Variants in LSM12 observed in about 807,000 individuals in gnomAD.
LSM12 encodes LSM12 homolog, also known as protein LSM12.
For synonymous variants in LSM12, 74 were observed against 87.3 expected, an observed-to-expected ratio of 0.85 and a Z score of 0.85; for missense variants, 108 against 238.9, an observed-to-expected ratio of 0.45 and a Z score of 3.61.
intron 2 of LSM12, among the ~76,000 whole-genome samples, chr17:44,046,093 C>G (rs1031095038): frequency 6.6e-6 from 1 of 151,446 alleles, no homozygotes; most frequent in African/African-American, 2.4e-5. Flanking sequence ...CCCGCCACCA[C>G]GCCCGGATAA....
chr17:44,051,903 T>G (rs2049649585), intron 2 of LSM12, among the ~76,000 whole-genome samples: 1 of 151,360 alleles, frequency 6.6e-6, no homozygotes, highest in South Asian at 2.1e-4. Flanking sequence ...AGGTCACGAG[T>G]TCAAGACCAG....
At chr17:44,042,441 C>T (rs2049506963) in intron 2 of LSM12, among the ~76,000 whole-genome samples, 2 of 152,092 alleles carry the variant, frequency 1.3e-5, no homozygotes, top group African/African-American at 4.8e-5. Context: ...CTCTTGTTGC[C>T]CAGGCTGGAG....
rs573809988 is a variant in LSM12, at chr17:44,058,192, G to A, written c.258+5609C>T. On this transcript the variant is annotated intron_variant, in intron 2 of 4. Coordinates refer to ENST00000293406, the MANE Select transcript of LSM12 (RefSeq NM_001371445.1). ...GCGGAGCTTGCAGTGAGCCGAGATC[G>A]CGCCACTGCACTCCAGCCTGGGCGA... Among the ~76,000 whole-genome samples the A allele has an allele frequency of 2.8e-3, 421 of 151,390 alleles. 6 individuals carry two copies. The highest frequency in any genetic ancestry group is 9.4e-3 in the African/African-American group (389 of 41,230).
At position 44,062,093 on chromosome 17, in the gene LSM12, G is replaced by A. The variant is rs112358441; in HGVS notation, c.258+1708C>T. Among the ~76,000 whole-genome samples the A allele has an allele frequency of 1.4e-4, 21 of 152,100 alleles. 1 individual carries two copies. Among genetic ancestry groups the A allele is most frequent in the African/African-American group, 4.8e-4 (20 of 41,490 alleles). On this transcript the variant is annotated intron_variant, in intron 2 of 4. Transcript: ENST00000293406. Reference sequence around the variant, plus strand: ...AAAAGTTAGCCGGGCGTGGTGTCGGGCGCCTGTAGTCCCAGCTACTAGGAA... The same window carrying A: ...AAAAGTTAGCCGGGCGTGGTGTCGGACGCCTGTAGTCCCAGCTACTAGGAA...
chr17:44,040,342 C>T, intron 2 of LSM12, 86 bp from the exon 3 acceptor site: 4 of 959,866 alleles, frequency 4.2e-6, no homozygotes, highest in South Asian at 4.1e-5. Flanking sequence ...AGAAAGGAGG[C>T]CAGGAAAGAC....
chr17:44,038,661 AG>A, intron 3 of LSM12, among the ~76,000 whole-genome samples: 2 of 147,742 alleles, frequency 1.4e-5, no homozygotes, highest in East Asian at 4.8e-4. Context: ...CTCAAAAAAA[AG>A]AGAGAGAGAA....
At chr17:44,067,106 C>G (rs2049890444), upstream of LSM12, among the ~76,000 whole-genome samples, 2 of 152,092 alleles carry the variant, frequency 1.3e-5, no homozygotes, top group Admixed American at 6.6e-5. Flanking sequence ...TCGAGACCAG[C>G]CTGGCCAACA....
chr17:44,046,109 G>A (rs1318018162), intron 2 of LSM12, among the ~76,000 whole-genome samples: 1 of 150,222 alleles, frequency 6.7e-6, no homozygotes, highest in Admixed American at 6.6e-5. Flanking sequence ...GATAATTTTT[G>A]TATTTTTAGT....
chr17:44,055,229 T>C (rs1443357122), intron 2 of LSM12, among the ~76,000 whole-genome samples: 1 of 152,032 alleles, frequency 6.6e-6, no homozygotes, highest in Non-Finnish European at 1.5e-5. Flanking sequence ...AAAACTTGCT[T>C]GCCTTAGACA....
rs1242692389 is a variant in LSM12, at chr17:44,066,593, G to C, written c.-6C>G. 7.3e-7 allele frequency: 1 copy of C among 1,377,630 alleles called. No individual in the cohort carries two copies. Among genetic ancestry groups the C allele is most frequent in the Non-Finnish European group, 9.4e-7 (1 of 1,061,280 alleles). 85.3% of individuals were successfully genotyped at this position (1,377,630 alleles called of 1,614,324 possible). On this transcript the variant is annotated 5_prime_UTR_variant, in exon 1 of 5. Transcript: ENST00000293406. ...TCGCCCGGAGGAGCCGCCATCTTGG[G>C]AGTGCAGCCGCGGCCGGCGGCGGCG...
intron 3 of LSM12, among the ~76,000 whole-genome samples, chr17:44,038,599 G>C (rs1294651303): frequency 6.6e-6 from 1 of 152,160 alleles, no homozygotes; most frequent in Non-Finnish European, 1.5e-5. Flanking sequence ...AGATTGCAGT[G>C]AGCCAAGATT....
intron 2 of LSM12, among the ~76,000 whole-genome samples, chr17:44,046,452 A>G (rs1006618847): frequency 6.6e-6 from 1 of 151,470 alleles, no homozygotes; most frequent in Non-Finnish European, 1.5e-5. Flanking sequence ...TCACGCCTGC[A>G]ATCCCAGCAC....
At chr17:44,038,230 T>C (rs1468438540) in intron 3 of LSM12, among the ~76,000 whole-genome samples, 2 of 151,824 alleles carry the variant, frequency 1.3e-5, no homozygotes, top group Non-Finnish European at 2.9e-5. Context: ...GGCATGCGTC[T>C]GTAGTCCCAG....
chr17:44,055,619 G>C (rs908491808), intron 2 of LSM12, among the ~76,000 whole-genome samples: 3 of 149,452 alleles, frequency 2.0e-5, no homozygotes, highest in Non-Finnish European at 3.0e-5. Context: ...AGAGGTTGCA[G>C]TGAGCAGAGA....
At chr17:44,052,852 A>C (rs1429234021) in intron 2 of LSM12, among the ~76,000 whole-genome samples, 1 of 151,388 alleles carries the variant, frequency 6.6e-6, no homozygotes, top group African/African-American at 2.4e-5. Flanking sequence ...ATAAATAAAT[A>C]AATCACCACT....
intron 2 of LSM12, among the ~76,000 whole-genome samples, chr17:44,052,697 T>A (rs2049662542): frequency 6.6e-6 from 1 of 151,896 alleles, no homozygotes; most frequent in Non-Finnish European, 1.5e-5. Flanking sequence ...AGGTGGAGGT[T>A]GCAGTGAGCT....
intron 3 of LSM12, among the ~76,000 whole-genome samples, 192 bp downstream of exon 3, chr17:44,039,955 C>T (rs1254907843): frequency 4.6e-5 from 7 of 152,150 alleles, no homozygotes; most frequent in Non-Finnish European, 8.8e-5. Flanking sequence ...ACAACTTGTC[C>T]GTGATTACAC....
intron 4 of LSM12, 95 bp downstream of exon 4, chr17:44,037,317 A>C: frequency 7.1e-7 from 1 of 1,400,954 alleles, no homozygotes; most frequent in Non-Finnish European, 9.4e-7. Context: ...TAGAGGAGGC[A>C]GAGACTGTAG....
chr17:44,050,867 G>A (rs1167551466), intron 2 of LSM12, among the ~76,000 whole-genome samples: 1 of 152,198 alleles, frequency 6.6e-6, no homozygotes, highest in Non-Finnish European at 1.5e-5. Flanking sequence ...AGGCATGGTA[G>A]CTCACAACTG....
Sources: gnomAD v4.1 joint callset for allele counts (sites outside exome capture counted in the v4.1 genomes callset) on GRCh38, gnomAD v4.1.1 for gene constraint, MANE v1.5 for transcripts, NCBI Gene and HGNC (gene_info 2026-07-23, HGNC 2026-07-21) for gene names.